The following AIG1 variants were observed in gnomAD, a reference collection of about 807,000 sequenced individuals.
The protein encoded by AIG1 is androgen-induced gene 1 protein.
In AIG1, 23 loss-of-function variants were observed where a neutral mutation model predicts 31.4. The ratio of observed to expected loss-of-function variants is 0.73; its 90% CI spans 0.53 to 1.04. The LOEUF (loss-of-function observed/expected upper bound fraction) is 1.04, where lower values mean the gene tolerates loss of function less well. AIG1 is among the 50% of genes least tolerant of loss of function. The pLI, the probability that AIG1 is intolerant of heterozygous loss-of-function variation, is 0.00. For missense variants in AIG1, 274 were observed against 295.0 expected, an observed-to-expected ratio of 0.93 and a Z score of 0.52; for synonymous variants, 100 against 110.5, an observed-to-expected ratio of 0.90 and a Z score of 0.60.
Position 143,089,491 on chromosome 6 carries a change from C to T in AIG1, c.141+28425C>T, listed in dbSNP as rs181595847. Among the ~76,000 whole-genome samples, 5 of 152,188 alleles carry T rather than the reference C, an allele frequency of 3.3e-5. No homozygotes were observed. The East Asian group carries it at 9.6e-4, about 29-fold the overall frequency. ...TTACACAGGAATATAATAGTACCTA[C>T]CATATAGGATTGTTGTGAGGATTAA... is the stretch of plus-strand genomic sequence containing the variant. On this transcript the variant is annotated intron_variant, in intron 1 of 5. Coordinates refer to ENST00000357847, the MANE Select transcript of AIG1 (RefSeq NM_016108.4).
chr6:143,139,343 G>A (rs1784059622), intron 2 of AIG1, among the ~76,000 whole-genome samples: 1 of 150,844 alleles, frequency 6.6e-6, no homozygotes, highest in Admixed American at 6.6e-5. Context: ...CACTTTCATG[G>A]CGTGTGGGTG....
chr6:143,171,500 ATATTT>A (rs2128573593), intron 3 of AIG1, among the ~76,000 whole-genome samples: 2 of 122,972 alleles, frequency 1.6e-5, no homozygotes, highest in South Asian at 4.7e-4. Flanking sequence ...TATATAATAT[ATATTT>A]AATATATATA....
intron 4 of AIG1, among the ~76,000 whole-genome samples, chr6:143,321,881 A>G (rs1335074474): frequency 6.6e-6 from 1 of 152,138 alleles, no homozygotes; most frequent in East Asian, 1.9e-4. Context: ...TGTGTTGCTG[A>G]TAGACTGGGA....
chr6:143,176,301 T>G (rs746376586), intron 3 of AIG1, among the ~76,000 whole-genome samples: 1 of 152,198 alleles, frequency 6.6e-6, no homozygotes, highest in Non-Finnish European at 1.5e-5. Context: ...GGTGGCGCTA[T>G]GAAGAGTGCA....
intron 3 of AIG1, chr6:143,190,234 G>C (rs1789665935): frequency 2.0e-6 from 2 of 985,444 alleles, no homozygotes; most frequent in African/African-American, 1.7e-5. Context: ...CAACCATAAG[G>C]AACACCATGA....
intron 5 of AIG1, among the ~76,000 whole-genome samples, chr6:143,336,322 TGAAA>T (rs1448669899): frequency 1.3e-5 from 2 of 152,204 alleles, no homozygotes; most frequent in East Asian, 3.8e-4. Flanking sequence ...ATCTTACTGC[TGAAA>T]GAGAGATTGG....
chr6:143,190,285 C>T lies in AIG1; in HGVS notation c.399+25102C>T, dbSNP rs144324846. The T allele has an allele frequency of 4.8e-5, 47 of 985,408 alleles. No homozygotes were observed. In the African/African-American group the frequency reaches 6.8e-4, roughly 14 times the overall value. The allele number at this position is 985,408 out of a possible 1,614,324, so 61.0% of individuals were successfully genotyped here. A position where few individuals can be genotyped will look rare whatever the true frequency, so the allele number is the denominator to read the frequency against. ...ATCATGGATCACAGATTGTAGGAGTCGAGAAACAGAATAAAAAGACAAGGC... is the reference window on the plus strand; with the variant it reads ...ATCATGGATCACAGATTGTAGGAGTTGAGAAACAGAATAAAAAGACAAGGC... On this transcript the variant is annotated intron_variant, in intron 3 of 5. Coordinates refer to ENST00000357847, the MANE Select transcript of AIG1 (RefSeq NM_016108.4).
At chr6:143,224,460 C>T (rs1230927877) in intron 3 of AIG1, among the ~76,000 whole-genome samples, 3 of 152,146 alleles carry the variant, frequency 2.0e-5, no homozygotes, top group Non-Finnish European at 4.4e-5. Context: ...CTCAGATCTT[C>T]AGCTTCTTCA....
Position 143,167,817 on chromosome 6 carries a change from C to CA in AIG1, c.399+2635dup, listed in dbSNP as rs1787106607. On this transcript the variant is annotated intron_variant, in intron 3 of 5. Coordinates refer to ENST00000357847, the MANE Select transcript of AIG1 (RefSeq NM_016108.4). ...ATAATATGAGTTCAATAGATTCTTT[C>CA]ACAATGAATTTTGTGTCCTAATAGT... Among the ~76,000 whole-genome samples, 2 of 152,128 alleles carry CA rather than the reference C, an allele frequency of 1.3e-5. 1 individual carries two copies. Among genetic ancestry groups the CA allele is most frequent in the Admixed American group, 1.3e-4 (2 of 15,272 alleles).
intron 4 of AIG1, among the ~76,000 whole-genome samples, chr6:143,307,228 G>A (rs925885974): frequency 6.6e-6 from 1 of 152,214 alleles, no homozygotes; most frequent in African/African-American, 2.4e-5. Context: ...ATCCAGCTTT[G>A]TTCTGTTGCT....
At chr6:143,195,885 T>G (rs1562480571) in intron 3 of AIG1, among the ~76,000 whole-genome samples, 1 of 152,176 alleles carries the variant, frequency 6.6e-6, no homozygotes, top group African/African-American at 2.4e-5. Flanking sequence ...AAAAAGCAAT[T>G]AAACATCTTG....
At chr6:143,259,643 A>T (rs1232205930) in intron 3 of AIG1, among the ~76,000 whole-genome samples, 1 of 152,214 alleles carries the variant, frequency 6.6e-6, no homozygotes, top group Non-Finnish European at 1.5e-5. Context: ...AACATCAAAA[A>T]GTTTTCTCAT....
intron 4 of AIG1, among the ~76,000 whole-genome samples, chr6:143,310,030 A>G (rs1328540389): frequency 1.3e-5 from 2 of 151,992 alleles, no homozygotes; most frequent in African/African-American, 4.8e-5. Flanking sequence ...AAACATAGGC[A>G]TATCCACTAT....
intron 3 of AIG1, among the ~76,000 whole-genome samples, chr6:143,222,649 A>G (rs1411990353): frequency 1.3e-5 from 2 of 152,188 alleles, no homozygotes; most frequent in African/African-American, 4.8e-5. Context: ...TTATAGAAGG[A>G]CAATACTCAT....
At chr6:143,342,990 C>T, downstream of AIG1, 1 of 978,474 alleles carries the variant, frequency 1.0e-6, no homozygotes, top group South Asian at 1.3e-5. Context: ...TGGCAGTGTA[C>T]CTATCTGCAG....
Position 143,330,792 on chromosome 6 carries a change from C to G in AIG1, c.516-2490C>G, listed in dbSNP as rs945209045. 2.0e-5 allele frequency among the ~76,000 whole-genome samples: 3 copies of G among 152,156 alleles called. No homozygotes were observed. The highest frequency in any genetic ancestry group is 6.5e-5 in the Admixed American group (1 of 15,282). On this transcript the variant is annotated intron_variant, in intron 4 of 5. Coordinates refer to ENST00000357847, the MANE Select transcript of AIG1 (RefSeq NM_016108.4). The surrounding 1 kb of genome is among the most constrained non-coding windows in gnomAD (Gnocchi z 4.4). Reference sequence around the variant, plus strand: ...AAATTGGGGGAATATTGCATATTCTCTCCATGGAAATTAATAAACCATTTG... The same window carrying G: ...AAATTGGGGGAATATTGCATATTCTGTCCATGGAAATTAATAAACCATTTG...
chr6:143,208,725 A>G (rs1791337207), intron 3 of AIG1, among the ~76,000 whole-genome samples: 1 of 152,070 alleles, frequency 6.6e-6, no homozygotes, highest in East Asian at 1.9e-4. Context: ...CTCACACTTC[A>G]TCCATCAAAA....
chr6:143,141,890 G>C (rs1426399834), intron 2 of AIG1, among the ~76,000 whole-genome samples: 1 of 151,946 alleles, frequency 6.6e-6, no homozygotes, highest in African/African-American at 2.4e-5. Context: ...AACCAAAAAG[G>C]GGAGGGGAGG....
chr6:143,255,784 A>C (rs1011275504), intron 3 of AIG1, among the ~76,000 whole-genome samples: 2 of 152,222 alleles, frequency 1.3e-5, no homozygotes, highest in African/African-American at 4.8e-5. Flanking sequence ...TAGGAAATAT[A>C]AATTTATATT....
Sources: allele counts gnomAD v4.1 joint callset (sites outside exome capture counted in the v4.1 genomes callset), GRCh38; gene constraint gnomAD v4.1.1; non-coding constraint Gnocchi (gnomAD v3.1); transcripts MANE v1.5; gene names NCBI Gene and HGNC (gene_info 2026-07-23, HGNC 2026-07-21).